The following CATSPERB variants were observed in gnomAD, a reference collection of about 807,000 sequenced individuals.
The protein encoded by CATSPERB is catsper channel auxiliary subunit beta.
A neutral mutation model predicts 128.3 loss-of-function variants in CATSPERB; 93 were observed. The observed-to-expected ratio is 0.72, with a 90% confidence interval of 0.61 to 0.86. CATSPERB has a LOEUF of 0.86. Among genes scored for constraint, CATSPERB ranks in the 40% least tolerant of loss-of-function variants. The probability of loss-of-function intolerance (pLI) is 0.00; values close to 1 mark genes in which losing one functional copy is unlikely to be tolerated. For synonymous variants in CATSPERB, 381 were observed against 448.8 expected (o/e 0.85, Z 1.91); for missense variants, 1,153 against 1,329.5 (o/e 0.87, Z 2.06).
At chr14:91,670,864 G>A (rs755854588) in intron 13 of CATSPERB, among the ~76,000 whole-genome samples, 6 of 151,938 alleles carry the variant, frequency 3.9e-5, no homozygotes, top group South Asian at 4.2e-4. Context: ...ATTAGCTGGC[G>A]TGGTGGCACA....
Position 91,588,587 on chromosome 14 carries a change from T to C in CATSPERB, c.2957-509A>G, listed in dbSNP as rs116829171. Among the ~76,000 whole-genome samples, 347 of 152,316 alleles carry C rather than the reference T, an allele frequency of 2.3e-3. 1 individual carries two copies. Among genetic ancestry groups the C allele is most frequent in the African/African-American group, 8.0e-3 (334 of 41,576 alleles). On this transcript the variant is annotated intron_variant, in intron 24 of 26. Coordinates refer to ENST00000256343, the MANE Select transcript of CATSPERB (RefSeq NM_024764.4). ...GTCATCCTTTCTAAAACTAGATAGC[T>C]AGTGTAGGGGTTAGACGTTGCAGTG...
At chr14:91,700,634 T>C (rs1035475860) in intron 7 of CATSPERB, among the ~76,000 whole-genome samples, 1 of 152,192 alleles carries the variant, frequency 6.6e-6, no homozygotes, top group African/African-American at 2.4e-5. Flanking sequence ...CACCATGGAA[T>C]ACAATGCAGC....
At chr14:91,722,943 T>C in intron 4 of CATSPERB, 106 bp downstream of exon 4, 1 of 827,028 alleles carries the variant, frequency 1.2e-6, no homozygotes. Flanking sequence ...AAAACATACA[T>C]AGATGTAATA....
At position 91,689,525 on chromosome 14, in the gene CATSPERB, AG is replaced by A. The variant is rs539660622; in HGVS notation, c.864+1997del. On this transcript the variant is annotated intron_variant, in intron 10 of 26. Coordinates refer to ENST00000256343, the MANE Select transcript of CATSPERB (RefSeq NM_024764.4). ...GTTACTTTTTGTGTGATTCTTCTTT[AG>A]GTGTAACTTTTTAAAATATATATTA... Among the ~76,000 whole-genome samples, 1,006 of 152,270 alleles carry A rather than the reference AG, an allele frequency of 6.6e-3. 10 individuals are homozygous for A. The highest frequency in any genetic ancestry group is 0.021 in the African/African-American group (875 of 41,558).
intron 11 of CATSPERB, among the ~76,000 whole-genome samples, chr14:91,683,676 G>A (rs1042945499): frequency 6.6e-6 from 1 of 152,122 alleles, no homozygotes; most frequent in Non-Finnish European, 1.5e-5. Flanking sequence ...CATGACTCAA[G>A]ATAGCCACTG....
intron 7 of CATSPERB, among the ~76,000 whole-genome samples, chr14:91,702,608 T>G (rs1730537684): frequency 6.6e-6 from 1 of 151,384 alleles, no homozygotes; most frequent in Non-Finnish European, 1.5e-5. Flanking sequence ...TCATGGTGTA[T>G]CATTCTCCCA....
At chr14:91,623,960 T>G (rs1434339258) in intron 18 of CATSPERB, among the ~76,000 whole-genome samples, 4 of 152,204 alleles carry the variant, frequency 2.6e-5, no homozygotes, top group Non-Finnish European at 5.9e-5. Context: ...TTCTGATCAC[T>G]CTTCAAGACA....
At chr14:91,616,890 G>A (rs1009272135) in intron 20 of CATSPERB, among the ~76,000 whole-genome samples, 3 of 151,484 alleles carry the variant, frequency 2.0e-5, no homozygotes, top group Admixed American at 1.3e-4. Flanking sequence ...TACAGGCAAG[G>A]GCCACCATGC....
intron 15 of CATSPERB, among the ~76,000 whole-genome samples, chr14:91,640,295 C>T (rs956921227): frequency 3.3e-5 from 5 of 150,296 alleles, no homozygotes; most frequent in Admixed American, 2.7e-4. Context: ...GCACATTGTG[C>T]AGGTTAGATA....
chr14:91,648,486 G>A (rs1299532460), intron 15 of CATSPERB, among the ~76,000 whole-genome samples: 8 of 152,088 alleles, frequency 5.3e-5, no homozygotes, highest in Admixed American at 2.0e-4. Flanking sequence ...ATGTATTAAA[G>A]ATTTAACACT....
intron 11 of CATSPERB, among the ~76,000 whole-genome samples, chr14:91,676,460 T>A (rs1204657697): frequency 6.6e-6 from 1 of 152,134 alleles, no homozygotes; most frequent in Non-Finnish European, 1.5e-5. Flanking sequence ...CAAAAAAAAT[T>A]CAGAGCTCAC....
chr14:91,596,535 A>C (rs1893508994), intron 22 of CATSPERB, among the ~76,000 whole-genome samples: 1 of 152,162 alleles, frequency 6.6e-6, no homozygotes, highest in South Asian at 2.1e-4. Context: ...CATTTAAAAC[A>C]AGGCAAAACA....
Position 91,732,078 on chromosome 14 carries a change from C to A in CATSPERB, c.-149G>T, listed in dbSNP as rs538986028. ...GCACTCTAGTCACCTTTGGTAACAG[C>A]CAATCAGCAGCTACCAAGTACAGAA... On this transcript the variant is annotated 5_prime_UTR_variant, in exon 1 of 27. Coordinates refer to ENST00000256343, the MANE Select transcript of CATSPERB (RefSeq NM_024764.4). 1.3e-5 allele frequency: 2 copies of A among 152,678 alleles called. No homozygotes were observed. The highest frequency in any genetic ancestry group is 4.2e-4 in the South Asian group (2 of 4,816). The allele number at this position is 152,678 out of a possible 1,614,324, so 9.5% of individuals were successfully genotyped here.
At chr14:91,669,390 AG>A (rs1344719000) in intron 14 of CATSPERB, among the ~76,000 whole-genome samples, 2 of 151,758 alleles carry the variant, frequency 1.3e-5, no homozygotes, top group African/African-American at 4.8e-5. Context: ...GAGCAGCCAG[AG>A]GGTGGAAAAT....
intron 10 of CATSPERB, among the ~76,000 whole-genome samples, chr14:91,684,949 G>C (rs945637959): frequency 6.6e-6 from 1 of 151,360 alleles, no homozygotes; most frequent in African/African-American, 2.4e-5. Context: ...TGATTGATAT[G>C]GGGTCCTGGC....
intron 15 of CATSPERB, among the ~76,000 whole-genome samples, chr14:91,648,607 AATATG>A (rs71739825): frequency 0.29 from 44,583 of 151,746 alleles, 6,611 homozygotes; most frequent in Middle Eastern, 0.33. Context: ...GCATTGACTC[AATATG>A]ATATATTTGT....
chr14:91,646,646 G>A lies in CATSPERB; in HGVS notation c.1433-7396C>T, dbSNP rs532469861. On this transcript the variant is annotated intron_variant, in intron 15 of 26. Transcript: ENST00000256343. ...TGCTTACTCTGCTTCAGCTACACGA[G>A]CCTGAGGTTGTCTATCTCCACAATT... is the stretch of plus-strand genomic sequence containing the variant. Among the ~76,000 whole-genome samples, 19 of 152,250 alleles carry A rather than the reference G, an allele frequency of 1.2e-4. No individual in the cohort carries two copies. The South Asian group carries it at 3.7e-3, about 30-fold the overall frequency.
intron 6 of CATSPERB, among the ~76,000 whole-genome samples, chr14:91,707,542 C>T: frequency 6.9e-6 from 1 of 145,600 alleles, no homozygotes; most frequent in Admixed American, 6.9e-5. Flanking sequence ...TTTATAATGA[C>T]CCTCAATGTG....
chr14:91,610,768 C>G (rs1261515119), intron 20 of CATSPERB, 91 bp from the exon 21 acceptor site: 24 of 1,147,790 alleles, frequency 2.1e-5, no homozygotes, highest in Non-Finnish European at 1.3e-6. Flanking sequence ...AAACCCCAAC[C>G]TCCAGTATCT....
Sources: allele counts gnomAD v4.1 joint callset (sites outside exome capture counted in the v4.1 genomes callset), GRCh38; gene constraint gnomAD v4.1.1; transcripts MANE v1.5; gene names NCBI Gene and HGNC (gene_info 2026-07-23, HGNC 2026-07-21).